Variants in ALK observed in about 807,000 individuals in gnomAD.
ALK encodes the protein ALK tyrosine kinase receptor.
Under a neutral mutation model 163.1 loss-of-function variants are expected in ALK, and 74 were observed. The observed-to-expected ratio is 0.45, with a 90% CI of 0.38 to 0.55. The LOEUF is 0.55. ALK is among the 20% of genes least tolerant of loss of function. The pLI is 0.00. For missense variants in ALK, 2,063 were observed against 2,105.3 expected (o/e 0.98, Z 0.39); for synonymous variants, 960 against 843.2 (o/e 1.14, Z -2.40).
chr2:29,691,258 T>A (rs933642310), intron 3 of ALK, among the ~76,000 whole-genome samples: 1 of 152,218 alleles, frequency 6.6e-6, no homozygotes, highest in Non-Finnish European at 1.5e-5. Context: ...GCTGACCTCC[T>A]CATTTCCGTG....
intron 11 of ALK, among the ~76,000 whole-genome samples, chr2:29,258,126 C>T (rs1434452733): frequency 6.6e-6 from 1 of 152,198 alleles, no homozygotes; most frequent in East Asian, 1.9e-4. Flanking sequence ...GCCATCACGC[C>T]TGGCCTCCAT....
At chr2:29,804,168 AC>A (rs1664553167) in intron 1 of ALK, among the ~76,000 whole-genome samples, 1 of 152,246 alleles carries the variant, frequency 6.6e-6, no homozygotes, top group African/African-American at 2.4e-5. Context: ...CATTTTCAGA[AC>A]AGTAATCTCA....
chr2:29,431,802 G>A (rs181681748), intron 4 of ALK, among the ~76,000 whole-genome samples: 14 of 152,198 alleles, frequency 9.2e-5, no homozygotes, highest in Non-Finnish European at 1.8e-4. Context: ...TCTCCCAAAA[G>A]GTTCCACAAA....
chr2:29,232,511 G>A, intron 14 of ALK, 63 bp from the exon 15 acceptor site: 1 of 1,607,202 alleles, frequency 6.2e-7, no homozygotes, highest in Non-Finnish European at 8.5e-7. Flanking sequence ...GAGCCCCTAA[G>A]CTCTGGTAAA....
At chr2:29,220,877 A>C in intron 22 of ALK, 42 bp from the exon 23 acceptor site, 6 of 1,612,848 alleles carry the variant, frequency 3.7e-6, no homozygotes, top group Non-Finnish European at 5.1e-6. Flanking sequence ...AACTGAGCTG[A>C]GTCTGGGCAA....
At chr2:29,302,084 G>C (rs1666388490) in intron 8 of ALK, among the ~76,000 whole-genome samples, 1 of 152,214 alleles carries the variant, frequency 6.6e-6, no homozygotes, top group Non-Finnish European at 1.5e-5. Context: ...AAAAGGTGAA[G>C]TAATTGGAGC....
chr2:29,560,539 T>C (rs1254192378), intron 3 of ALK, among the ~76,000 whole-genome samples: 1 of 152,088 alleles, frequency 6.6e-6, no homozygotes, highest in Admixed American at 6.6e-5. Flanking sequence ...TTCTTTCTTT[T>C]CTTTTCTCTT....
At chr2:29,516,301 G>A (rs1403181024) in intron 4 of ALK, among the ~76,000 whole-genome samples, 1 of 152,184 alleles carries the variant, frequency 6.6e-6, no homozygotes. Flanking sequence ...TCCTGAAACA[G>A]GGCACAGCAT....
intron 1 of ALK, among the ~76,000 whole-genome samples, chr2:29,898,147 T>C (rs138630249): frequency 6.6e-6 from 1 of 152,310 alleles, no homozygotes; most frequent in Non-Finnish European, 1.5e-5. Context: ...GGGCCTCTCT[T>C]TCCTGCCACC....
Position 29,232,364 on chromosome 2 carries a change from G to A in ALK, c.2572C>T (p.Pro858Ser). ...AYGAKTDTFH[P>S]ERLENNSSVL... is the part of the protein sequence containing the mutation. ...GAGGAGTTATTCTCCAGTCTCTCTG[G>A]GTGGAACGTGTCTGTCTTGGCCCCG... The change falls in exon 15 of 29, where the codon CCA becomes TCA. Residue 858 changes from proline (P) to serine (S), a missense_variant. This residue lies in a region of ALK where 575 missense variants were observed against 626.6 expected (regional missense o/e 0.92). Transcript: ENST00000389048. 1 of 1,614,266 alleles carries A rather than the reference G, an allele frequency of 6.2e-7. No individual in the cohort carries two copies. The highest frequency in any genetic ancestry group is 8.5e-7 in the Non-Finnish European group (1 of 1,180,048).
intron 4 of ALK, among the ~76,000 whole-genome samples, chr2:29,462,730 C>A (rs3923028): frequency 2.0e-5 from 3 of 151,994 alleles, no homozygotes. Context: ...CTGTACCATA[C>A]TGAGAAGAAA....
intron 6 of ALK, 92 bp from the exon 7 acceptor site, chr2:29,320,974 T>G (rs2148251259): frequency 6.8e-7 from 1 of 1,470,818 alleles, no homozygotes; most frequent in Non-Finnish European, 9.5e-7. Flanking sequence ...CATGACCAAA[T>G]TATCTTCATT....
At chr2:29,885,979 C>G (rs575701917) in intron 1 of ALK, among the ~76,000 whole-genome samples, 4 of 152,198 alleles carry the variant, frequency 2.6e-5, no homozygotes, top group African/African-American at 9.6e-5. Flanking sequence ...TCTCTTCCAC[C>G]TCCTCCACCT....
intron 4 of ALK, among the ~76,000 whole-genome samples, chr2:29,520,579 A>G (rs1030183661): frequency 6.6e-5 from 10 of 152,308 alleles, no homozygotes; most frequent in Admixed American, 2.6e-4. Flanking sequence ...AGCTCTGCTC[A>G]CAGAAGGTCT....
Position 29,193,162 on chromosome 2 carries a change from T to TGATG in ALK, c.*61_*62insCATC, listed in dbSNP as rs1327492960. 1 of 1,555,490 alleles carries TGATG rather than the reference T, an allele frequency of 6.4e-7. No individual in the cohort carries two copies. The highest frequency in any genetic ancestry group is 1.1e-5 in the South Asian group (1 of 88,540). ...GGTCTCTGGTTTGTGAAGGAGCCAT[T>TGATG]GCCTCTCTCTCCTCCACGGTCTTAG... On this transcript the variant is annotated 3_prime_UTR_variant, in exon 29 of 29. Coordinates refer to ENST00000389048, the MANE Select transcript of ALK (RefSeq NM_004304.5).
chr2:29,364,007 C>T (rs1668445157), intron 5 of ALK, among the ~76,000 whole-genome samples: 1 of 152,116 alleles, frequency 6.6e-6, no homozygotes, highest in Admixed American at 6.5e-5. Context: ...AAATCTAAGT[C>T]CTTAAAGTGT....
At chr2:29,692,933 G>A (rs1436308242) in intron 3 of ALK, among the ~76,000 whole-genome samples, 1 of 152,210 alleles carries the variant, frequency 6.6e-6, no homozygotes, top group Non-Finnish European at 1.5e-5. Context: ...ACAGCCACAT[G>A]TATCAAAGTG....
intron 4 of ALK, among the ~76,000 whole-genome samples, chr2:29,482,609 T>G (rs1372636679): frequency 6.6e-6 from 1 of 152,108 alleles, no homozygotes; most frequent in Non-Finnish European, 1.5e-5. Flanking sequence ...TTTCCTCAGT[T>G]ATTTACGGCA....
At chr2:29,511,856 C>T (rs558754294) in intron 4 of ALK, among the ~76,000 whole-genome samples, 14 of 152,180 alleles carry the variant, frequency 9.2e-5, no homozygotes, top group Admixed American at 6.5e-4. Flanking sequence ...TAATGACTAG[C>T]GATGTTGAGC....
Sources: gnomAD v4.1 joint callset for allele counts (sites outside exome capture counted in the v4.1 genomes callset) on GRCh38, gnomAD v4.1.1 for gene constraint, gnomAD v4.1.1 regional missense constraint, MANE v1.5 for transcripts, NCBI Gene and HGNC (gene_info 2026-07-23, HGNC 2026-07-21) for gene names.